The following PPARGC1A variants were observed in gnomAD, a reference collection of about 807,000 sequenced individuals.
The protein encoded by PPARGC1A is peroxisome proliferator-activated receptor gamma coactivator 1-alpha.
PPARGC1A carries 25 observed loss-of-function variants against 88.7 expected under a neutral mutation model. That is an observed-to-expected ratio of 0.28 (90% CI 0.21 to 0.39). PPARGC1A has a LOEUF of 0.39. Among genes scored for constraint, PPARGC1A ranks in the 10% least tolerant of loss-of-function variants. The pLI, the probability that PPARGC1A is intolerant of heterozygous loss-of-function variation, is 1.00. For missense variants in PPARGC1A, 880 were observed against 968.7 expected, an observed-to-expected ratio of 0.91 and a Z score of 1.22; for synonymous variants, 363 against 355.6, an observed-to-expected ratio of 1.02 and a Z score of -0.24.
the PPARGC1A span, among the ~76,000 whole-genome samples, chr4:24,034,939 T>C: frequency 6.6e-6 from 1 of 152,168 alleles, no homozygotes; most frequent in South Asian, 2.1e-4. Context: ...CATGGAGCAC[T>C]GAGAACAGCT....
the PPARGC1A span, among the ~76,000 whole-genome samples, chr4:23,919,767 A>T: frequency 6.6e-6 from 1 of 152,180 alleles, no homozygotes; most frequent in African/African-American, 2.4e-5. Flanking sequence ...TATTGACAGA[A>T]TGTTCTCCCT....
chr4:24,231,049 T>C, the PPARGC1A span, among the ~76,000 whole-genome samples: 12 of 151,232 alleles, frequency 7.9e-5, no homozygotes, highest in East Asian at 7.8e-4. Context: ...TCATTGGGTA[T>C]GGTAAAAGAG....
At chr4:24,313,633 G>A in the PPARGC1A span, among the ~76,000 whole-genome samples, 4 of 152,318 alleles carry the variant, frequency 2.6e-5, no homozygotes, top group Middle Eastern at 6.8e-3. Flanking sequence ...AACAAGAGAA[G>A]GGAGCTTTCA....
chr4:23,829,687 A>G (rs2109674732), intron 3 of PPARGC1A, 102 bp from the exon 4 acceptor site: 5 of 1,124,832 alleles, frequency 4.4e-6, no homozygotes, highest in Middle Eastern at 2.6e-4. Flanking sequence ...TTATAATTAT[A>G]AAAGTTAATT....
the PPARGC1A span, among the ~76,000 whole-genome samples, chr4:24,023,270 T>C: frequency 6.6e-6 from 1 of 152,206 alleles, no homozygotes; most frequent in Non-Finnish European, 1.5e-5. Flanking sequence ...TTCTGTTTGA[T>C]TCCTTTGTCA....
At chr4:24,200,255 C>T in the PPARGC1A span, among the ~76,000 whole-genome samples, 1 of 152,050 alleles carries the variant, frequency 6.6e-6, no homozygotes, top group African/African-American at 2.4e-5. Flanking sequence ...AGGTCAGATA[C>T]AGTGACTCAT....
chr4:24,370,459 G>A, the PPARGC1A span, among the ~76,000 whole-genome samples: 6 of 152,282 alleles, frequency 3.9e-5, no homozygotes, highest in East Asian at 1.2e-3. Context: ...AAGAGTAGAT[G>A]AATGACTTCG....
the PPARGC1A span, among the ~76,000 whole-genome samples, chr4:24,007,216 C>T: frequency 4.6e-5 from 7 of 152,168 alleles, no homozygotes; most frequent in African/African-American, 7.2e-5. Flanking sequence ...CTGCCCATCT[C>T]GCTCTCTCTC....
intron 2 of PPARGC1A, among the ~76,000 whole-genome samples, chr4:23,859,492 T>C (rs1730816123): frequency 6.6e-6 from 1 of 152,056 alleles, no homozygotes; most frequent in South Asian, 2.1e-4. Context: ...ATTCAAAATA[T>C]TTAAAATGTA....
chr4:24,182,352 A>G, the PPARGC1A span, among the ~76,000 whole-genome samples: 1 of 152,090 alleles, frequency 6.6e-6, no homozygotes, highest in Non-Finnish European at 1.5e-5. Context: ...GCTGCATAGT[A>G]TTTCATGGTG....
At chr4:23,922,032 A>G in the PPARGC1A span, among the ~76,000 whole-genome samples, 3 of 152,236 alleles carry the variant, frequency 2.0e-5, no homozygotes, top group Non-Finnish European at 4.4e-5. Context: ...AATATTATGC[A>G]TGCTTGAAGG....
the PPARGC1A span, among the ~76,000 whole-genome samples, chr4:24,172,831 G>A: frequency 6.6e-6 from 1 of 152,144 alleles, no homozygotes; most frequent in Non-Finnish European, 1.5e-5. Context: ...ACACCGCCGT[G>A]TTTCCTTTAC....
the PPARGC1A span, among the ~76,000 whole-genome samples, chr4:24,217,668 T>G: frequency 6.6e-6 from 1 of 152,126 alleles, no homozygotes; most frequent in Non-Finnish European, 1.5e-5. Flanking sequence ...CCCTGTGTGG[T>G]GGTGCACACC....
chr4:24,051,735 G>A, the PPARGC1A span, among the ~76,000 whole-genome samples: 2 of 152,188 alleles, frequency 1.3e-5, no homozygotes, highest in African/African-American at 2.4e-5. Context: ...AGGAAGAGGG[G>A]CTGGGAAGAA....
At chr4:24,038,680 T>A in the PPARGC1A span, among the ~76,000 whole-genome samples, 1 of 152,186 alleles carries the variant, frequency 6.6e-6, no homozygotes, top group Admixed American at 6.6e-5. Context: ...GGTTGCTGGC[T>A]TGGATTTTTC....
chr4:24,351,436 T>C, the PPARGC1A span, among the ~76,000 whole-genome samples: 1 of 151,244 alleles, frequency 6.6e-6, no homozygotes, highest in African/African-American at 2.4e-5. Context: ...AGGTAAAATT[T>C]AGATTAGAGG....
chr4:24,436,594 A>T, the PPARGC1A span, among the ~76,000 whole-genome samples: 9 of 145,902 alleles, frequency 6.2e-5, no homozygotes, highest in East Asian at 6.2e-4. Context: ...CGGGTCACAG[A>T]GCTGACATCG....
At chr4:24,197,221 A>G in the PPARGC1A span, among the ~76,000 whole-genome samples, 2 of 152,198 alleles carry the variant, frequency 1.3e-5, no homozygotes, top group African/African-American at 4.8e-5. Flanking sequence ...TATCTATCTG[A>G]TCTTTGCTAT....
At chr4:24,082,073 T>C in the PPARGC1A span, among the ~76,000 whole-genome samples, 1 of 152,132 alleles carries the variant, frequency 6.6e-6, no homozygotes, top group Admixed American at 6.6e-5. Flanking sequence ...GTAGTCATAT[T>C]TATTGTTCAC....
Sources: gnomAD v4.1 joint callset for allele counts (sites outside exome capture counted in the v4.1 genomes callset) on GRCh38, gnomAD v4.1.1 for gene constraint, MANE v1.5 for transcripts, NCBI Gene and HGNC (gene_info 2026-07-23, HGNC 2026-07-21) for gene names.